The following SETDB1 variants were observed in gnomAD, a reference collection of about 807,000 sequenced individuals.
SETDB1 encodes histone-lysine N-methyltransferase SETDB1.
SETDB1 carries 31 observed loss-of-function variants against 137.4 expected under a neutral mutation model. The observed-to-expected ratio is 0.23, with a 90% confidence interval of 0.17 to 0.30. The LOEUF is 0.30. Ranked by LOEUF, SETDB1 falls within the 10% of genes least tolerant of loss-of-function variation. The pLI is 1.00. For synonymous variants in SETDB1, 548 were observed against 579.9 expected (o/e 0.95, Z 0.79); for missense variants, 1,113 against 1,631.5 (o/e 0.68, Z 5.47).
chr1:150,962,555 C>G, intron 17 of SETDB1, 32 bp from the exon 18 acceptor site: 1 of 1,611,388 alleles, frequency 6.2e-7, no homozygotes, highest in Non-Finnish European at 8.5e-7. Context: ...CAGCCAGTAA[C>G]CTGTTGGCTT....
chr1:150,951,551 T>C (rs1001595525), intron 14 of SETDB1, 70 bp downstream of exon 14: 31 of 819,630 alleles, frequency 3.8e-5, no homozygotes, highest in South Asian at 6.8e-5. Context: ...TCTGTGCTTA[T>C]AGAAATCATC....
intron 14 of SETDB1, among the ~76,000 whole-genome samples, chr1:150,954,952 A>G (rs1473118691): frequency 1.3e-5 from 2 of 152,222 alleles, no homozygotes; most frequent in Admixed American, 1.3e-4. Context: ...TGTACTAGGC[A>G]TAGAGAAGAG....
At position 150,931,261 on chromosome 1, in the gene SETDB1, C is replaced by CAAAAAAAAAAAAAAAAA. The variant is rs767694682; in HGVS notation, c.412+1147_412+1163dup. 7.0e-4 allele frequency among the ~76,000 whole-genome samples: 47 copies of CAAAAAAAAAAAAAAAAA among 67,508 alleles called. 1 individual carries two copies. The highest frequency in any genetic ancestry group is 1.9e-3 in the African/African-American group (43 of 22,798). 44.3% of individuals were successfully genotyped at this position (67,508 alleles called of 152,430 possible). On this transcript the variant is annotated intron_variant, in intron 3 of 21. Transcript: ENST00000692827. ...GGTGACAAAGCAAGACTCTTGTCTTCAAAAAAAAAAAAAAAAAAAAGGGTT... is the reference window on the plus strand; with the variant it reads ...GGTGACAAAGCAAGACTCTTGTCTTCAAAAAAAAAAAAAAAAAAAAAAAAAAAAAAAAAAAAAGGGTT...
At chr1:150,948,882 C>T (rs1670412286) in intron 10 of SETDB1, among the ~76,000 whole-genome samples, 1 of 151,824 alleles carries the variant, frequency 6.6e-6, no homozygotes, top group South Asian at 2.1e-4. Context: ...CCATGCCCAT[C>T]TAATTTTTGT....
intron 14 of SETDB1, among the ~76,000 whole-genome samples, chr1:150,956,817 T>C (rs1670655685): frequency 6.6e-6 from 1 of 151,932 alleles, no homozygotes; most frequent in African/African-American, 2.4e-5. Context: ...TAATCTTTTT[T>C]AAAGTTAGAA....
At chr1:150,933,592 G>A (rs1055851828) in intron 3 of SETDB1, among the ~76,000 whole-genome samples, 18 of 143,904 alleles carry the variant, frequency 1.3e-4, no homozygotes, top group South Asian at 4.8e-4. Flanking sequence ...GGCCAGTCTT[G>A]TCTTAAACTT....
At chr1:150,963,956 T>C in intron 20 of SETDB1, 39 bp from the exon 21 acceptor site, 1 of 1,581,330 alleles carries the variant, frequency 6.3e-7, no homozygotes, top group Non-Finnish European at 8.7e-7. Flanking sequence ...CAGGTTCAGT[T>C]TCCCTGGTTC....
intron 12 of SETDB1, 82 bp from the exon 13 acceptor site, chr1:150,950,376 A>C: frequency 8.2e-7 from 1 of 1,218,962 alleles, no homozygotes; most frequent in South Asian, 1.5e-5. Flanking sequence ...AGATGAGAGA[A>C]ATGGCTTAGC....
chr1:150,951,286 AC>A, intron 13 of SETDB1, 78 bp from the exon 14 acceptor site: 1 of 1,189,210 alleles, frequency 8.4e-7, no homozygotes. Flanking sequence ...ACACTGAGCA[AC>A]CTTGGGTACA....
intron 10 of SETDB1, 75 bp downstream of exon 10, chr1:150,947,087 CT>C: frequency 6.4e-7 from 1 of 1,552,156 alleles, no homozygotes; most frequent in Non-Finnish European, 8.8e-7. Flanking sequence ...AATGGCTATC[CT>C]TTGATTAGCA....
chr1:150,930,272 A>T, intron 3 of SETDB1, 154 bp downstream of exon 3: 2 of 616,088 alleles, frequency 3.2e-6, no homozygotes, highest in South Asian at 4.0e-5. Context: ...AAAATGCAAC[A>T]TTGTTAGTAT....
intron 10 of SETDB1, among the ~76,000 whole-genome samples, chr1:150,947,607 T>G (rs1417035934): frequency 1.3e-5 from 2 of 152,072 alleles, no homozygotes; most frequent in Non-Finnish European, 2.9e-5. Context: ...AAACCCTGTT[T>G]CTACAAAAAA....
At chr1:150,949,639 T>A in intron 12 of SETDB1, 114 bp downstream of exon 12, 2 of 876,874 alleles carry the variant, frequency 2.3e-6, no homozygotes. Flanking sequence ...TAGTGAGGAG[T>A]TTGGACTTGA....
intron 4 of SETDB1, among the ~76,000 whole-genome samples, chr1:150,940,605 C>T (rs1162764083): frequency 2.0e-5 from 3 of 150,932 alleles, no homozygotes; most frequent in African/African-American, 2.4e-5. Context: ...TGGTGGCTTA[C>T]GCCTGTAATC....
chr1:150,941,296 C>T, intron 4 of SETDB1, 33 bp from the exon 5 acceptor site: 1 of 1,333,760 alleles, frequency 7.5e-7, no homozygotes. Flanking sequence ...GCTACTGTTT[C>T]AAAACTTGTT....
intron 3 of SETDB1, among the ~76,000 whole-genome samples, chr1:150,937,257 A>G (rs1571631509): frequency 1.3e-5 from 2 of 152,210 alleles, no homozygotes; most frequent in East Asian, 3.9e-4. Context: ...GAAATAAGCC[A>G]GTCACAAAAA....
upstream of SETDB1, chr1:150,926,341 C>T (rs1289275672): frequency 9.0e-6 from 2 of 222,948 alleles, no homozygotes; most frequent in East Asian, 1.6e-4. Flanking sequence ...ACCGGAACGG[C>T]ACTAAAGGTT....
intron 17 of SETDB1, 87 bp from the exon 18 acceptor site, chr1:150,962,500 C>T (rs899390273): frequency 1.5e-6 from 2 of 1,361,668 alleles, no homozygotes; most frequent in African/African-American, 2.9e-5. Flanking sequence ...TTTGACCTGT[C>T]TCCAAATCTG....
At chr1:150,957,593 T>C (rs1219355016) in intron 14 of SETDB1, among the ~76,000 whole-genome samples, 3 of 152,214 alleles carry the variant, frequency 2.0e-5, no homozygotes, top group Non-Finnish European at 4.4e-5. Context: ...GCAAAAACAT[T>C]GTTACCTGAA....
Sources: allele counts gnomAD v4.1 joint callset (sites outside exome capture counted in the v4.1 genomes callset), GRCh38; gene constraint gnomAD v4.1.1; transcripts MANE v1.5; gene names NCBI Gene and HGNC (gene_info 2026-07-23, HGNC 2026-07-21).